Variants in CTNNBIP1 observed in about 807,000 individuals in gnomAD.
CTNNBIP1 encodes beta-catenin-interacting protein 1.
A neutral mutation model predicts 11.8 loss-of-function variants in CTNNBIP1; 7 were observed. The ratio of observed to expected loss-of-function variants is 0.60; its 90% CI spans 0.34 to 1.12. CTNNBIP1 has a LOEUF of 1.12. Ranked by LOEUF, CTNNBIP1 falls within the 50% of genes most tolerant of loss-of-function variation. CTNNBIP1 has a pLI of 0.03. For synonymous variants in CTNNBIP1, 58 were observed against 43.9 expected (o/e 1.32, Z -1.26); for missense variants, 101 against 113.4 (o/e 0.89, Z 0.50).
At chr1:9,899,539 T>C (rs75935126) in intron 1 of CTNNBIP1, among the ~76,000 whole-genome samples, 6,866 of 144,632 alleles carry the variant, frequency 0.047, 446 homozygotes, top group East Asian at 0.22. Context: ...GGTGGGTAGG[T>C]CACAAGGTCA....
intron 5 of CTNNBIP1, among the ~76,000 whole-genome samples, chr1:9,856,384 C>T (rs1638503245): frequency 6.6e-6 from 1 of 151,742 alleles, no homozygotes; most frequent in Admixed American, 6.6e-5. Flanking sequence ...AGAACTTTAT[C>T]AAGATTAAAA....
chr1:9,850,806 G>A (rs1638366843), intron 5 of CTNNBIP1, 30 bp from the exon 6 acceptor site: 2 of 1,609,164 alleles, frequency 1.2e-6, no homozygotes, highest in Non-Finnish European at 1.7e-6. Context: ...GATCGCTGAT[G>A]GGGCTTGCAG....
chr1:9,863,942 T>A (rs1157944881), intron 5 of CTNNBIP1, among the ~76,000 whole-genome samples: 1 of 152,168 alleles, frequency 6.6e-6, no homozygotes, highest in African/African-American at 2.4e-5. Flanking sequence ...GGCCGTTTCC[T>A]TACAGCCTGG....
chr1:9,882,155 G>A (rs1467336398), intron 2 of CTNNBIP1, among the ~76,000 whole-genome samples: 1 of 152,154 alleles, frequency 6.6e-6, no homozygotes, highest in African/African-American at 2.4e-5. Flanking sequence ...ATGGCTCCAG[G>A]GAGAAGTCAC....
Position 9,910,110 on chromosome 1 carries a change from C to A in CTNNBIP1, c.-159G>T, listed in dbSNP as rs895333601. The A allele has an allele frequency of 6.8e-6, 1 of 146,582 alleles. No individual in the cohort carries two copies. The highest frequency in any genetic ancestry group is 1.5e-5 in the Non-Finnish European group (1 of 65,930). The allele number at this position is 146,582 out of a possible 1,614,324, so 9.1% of individuals were successfully genotyped here. A position where few individuals can be genotyped will look rare whatever the true frequency, so the allele number is the denominator to read the frequency against. ...CGGCGCTTACCTGGGCCGCCCGACC[C>A]GGCCGGGCCGGCAGGGGCAGCGGGT... On this transcript the variant is annotated 5_prime_UTR_variant, in exon 1 of 6. Coordinates refer to ENST00000377263, the MANE Select transcript of CTNNBIP1 (RefSeq NM_020248.3).
intron 5 of CTNNBIP1, among the ~76,000 whole-genome samples, chr1:9,853,705 C>T (rs192111914): frequency 1.3e-5 from 2 of 152,336 alleles, no homozygotes; most frequent in African/African-American, 4.8e-5. Context: ...TGAACTTGAG[C>T]TCAGAGCTTC....
intron 1 of CTNNBIP1, among the ~76,000 whole-genome samples, chr1:9,903,733 G>A (rs1639566930): frequency 6.6e-6 from 1 of 152,230 alleles, no homozygotes; most frequent in African/African-American, 2.4e-5. Context: ...CCCAGGGTCA[G>A]ACAAGACAGG....
At chr1:9,884,600 G>C (rs910216648) in intron 1 of CTNNBIP1, among the ~76,000 whole-genome samples, 15 of 152,188 alleles carry the variant, frequency 9.9e-5, no homozygotes, top group South Asian at 2.1e-4. Context: ...GGAAGAGGAA[G>C]GTGCTGTCAT....
At chr1:9,865,656 T>C (rs992485987) in intron 5 of CTNNBIP1, among the ~76,000 whole-genome samples, 4 of 152,074 alleles carry the variant, frequency 2.6e-5, no homozygotes, top group African/African-American at 9.7e-5. Context: ...GGTATTAAAA[T>C]GTTTATGGTC....
chr1:9,854,016 A>G (rs1044617458), intron 5 of CTNNBIP1, among the ~76,000 whole-genome samples: 3 of 152,240 alleles, frequency 2.0e-5, no homozygotes, highest in East Asian at 1.9e-4. Flanking sequence ...GTAAAACACC[A>G]TATCAATAGG....
chr1:9,904,309 G>C (rs942057671), intron 1 of CTNNBIP1, among the ~76,000 whole-genome samples: 1 of 146,476 alleles, frequency 6.8e-6, no homozygotes, highest in Admixed American at 6.6e-5. Flanking sequence ...GGTTAGCAGA[G>C]CAAGTGGCAT....
chr1:9,871,072 C>A lies in CTNNBIP1; in HGVS notation c.187+115G>T. On this transcript the variant is annotated intron_variant, in intron 5 of 5. Coordinates refer to ENST00000377263, the MANE Select transcript of CTNNBIP1 (RefSeq NM_020248.3). The surrounding 1 kb of genome is among the most constrained non-coding windows in gnomAD (Gnocchi z 5.2). ...GAGCTGTAGCCCCTCCTAGTCAGCC[C>A]TGGGTCTCATGGATCACCCATCAAA... is the stretch of plus-strand genomic sequence containing the variant. 1 of 770,008 alleles carries A rather than the reference C, an allele frequency of 1.3e-6. No individual in the cohort carries two copies. The allele number at this position is 770,008 out of a possible 1,614,324, so 47.7% of individuals were successfully genotyped here. A position where few individuals can be genotyped will look rare whatever the true frequency, so the allele number is the denominator to read the frequency against.
Position 9,848,771 on chromosome 1 carries a change from G to A in CTNNBIP1, c.*1947C>T, listed in dbSNP as rs1015672710. On this transcript the variant is annotated 3_prime_UTR_variant, in exon 6 of 6. Coordinates refer to ENST00000377263, the MANE Select transcript of CTNNBIP1 (RefSeq NM_020248.3). This position sits in a 1 kb window ranked among gnomAD's most constrained non-coding sequence, Gnocchi z 4.3. ...GTAGCTGTGTTCCCCACAGCTGACT[G>A]TCAGCTAACCAGGGCTAGGGGTGAG... 9 of 152,280 alleles carry A rather than the reference G, an allele frequency of 5.9e-5. No homozygotes were observed. Among genetic ancestry groups the A allele is most frequent in the Admixed American group, 5.9e-4 (9 of 15,282 alleles). 9.4% of individuals were successfully genotyped at this position (152,280 alleles called of 1,614,324 possible).
At chr1:9,906,523 C>T (rs1451260121) in intron 1 of CTNNBIP1, among the ~76,000 whole-genome samples, 1 of 151,998 alleles carries the variant, frequency 6.6e-6, no homozygotes, top group Admixed American at 6.5e-5. Flanking sequence ...TGTGCTATTG[C>T]ACTCCAGCCT....
At chr1:9,891,229 G>A (rs950485540) in intron 1 of CTNNBIP1, among the ~76,000 whole-genome samples, 3 of 152,066 alleles carry the variant, frequency 2.0e-5, no homozygotes, top group Non-Finnish European at 2.9e-5. Flanking sequence ...ACATGTTCAC[G>A]CCACCCCATT....
intron 1 of CTNNBIP1, among the ~76,000 whole-genome samples, chr1:9,899,455 C>CAAA (rs754593503): frequency 7.6e-5 from 5 of 65,698 alleles, no homozygotes; most frequent in African/African-American, 1.3e-4. Flanking sequence ...GACTCCATCT[C>CAAA]AAAAAAAAAA....
In CTNNBIP1 at chr1:9,850,625, G is replaced by T; in HGVS notation, c.*93C>A. The T allele has an allele frequency of 8.6e-7, 1 of 1,166,544 alleles. No individual in the cohort carries two copies. The highest frequency in any genetic ancestry group is 1.3e-6 in the Non-Finnish European group (1 of 774,790). The allele number at this position is 1,166,544 out of a possible 1,614,324, so 72.3% of individuals were successfully genotyped here. Reference sequence around the variant, plus strand: ...GGTTGGGTAGGGGAAGGGGGAGGTGGGGCAAGGGGGGCTGCTGCCACTCAG... The same window carrying T: ...GGTTGGGTAGGGGAAGGGGGAGGTGTGGCAAGGGGGGCTGCTGCCACTCAG... On this transcript the variant is annotated 3_prime_UTR_variant, in exon 6 of 6. Transcript: ENST00000377263.
intron 2 of CTNNBIP1, among the ~76,000 whole-genome samples, chr1:9,882,728 G>A (rs1287322516): frequency 2.0e-5 from 3 of 152,076 alleles, no homozygotes; most frequent in African/African-American, 7.3e-5. Context: ...GTGTAAGAGT[G>A]GGGCTGTGGC....
At chr1:9,881,043 T>G (rs1639070475) in intron 2 of CTNNBIP1, among the ~76,000 whole-genome samples, 1 of 152,118 alleles carries the variant, frequency 6.6e-6, no homozygotes, top group African/African-American at 2.4e-5. Flanking sequence ...AATTCTTTTT[T>G]TTTCTTTTGA....
Sources: gnomAD v4.1 joint callset for allele counts (sites outside exome capture counted in the v4.1 genomes callset) on GRCh38, gnomAD v4.1.1 for gene constraint, Gnocchi (gnomAD v3.1) non-coding constraint, MANE v1.5 for transcripts, NCBI Gene and HGNC (gene_info 2026-07-23, HGNC 2026-07-21) for gene names.